Variants in DPP10 observed in about 807,000 individuals in gnomAD.
The protein encoded by DPP10 is dipeptidyl peptidase like 10, also known as inactive dipeptidyl peptidase 10.
A neutral mutation model predicts 120.9 loss-of-function variants in DPP10; 33 were observed. The ratio of observed to expected loss-of-function variants is 0.27; its 90% CI spans 0.21 to 0.37. DPP10 has a LOEUF of 0.37. DPP10 is among the 10% of genes least tolerant of loss of function. DPP10 has a pLI of 1.00. For missense variants in DPP10, 816 were observed against 942.8 expected (o/e 0.87, Z 1.76); for synonymous variants, 337 against 326.1 (o/e 1.03, Z -0.36).
intron 3 of DPP10, among the ~76,000 whole-genome samples, chr2:115,366,419 C>A (rs1485848955): frequency 6.6e-6 from 1 of 151,954 alleles, no homozygotes; most frequent in South Asian, 2.1e-4. Context: ...TATTATATAG[C>A]CTTTTTGTCC....
At chr2:114,673,612 C>T (rs928875813) in intron 1 of DPP10, among the ~76,000 whole-genome samples, 2 of 151,866 alleles carry the variant, frequency 1.3e-5, no homozygotes, top group East Asian at 1.9e-4. Context: ...CACACCACCT[C>T]ATCTGGCTAA....
chr2:115,049,744 G>T (rs1305786315), intron 1 of DPP10, among the ~76,000 whole-genome samples: 2 of 152,136 alleles, frequency 1.3e-5, no homozygotes, highest in African/African-American at 4.8e-5. Context: ...GTGCATTTCT[G>T]CACTCTTCTT....
chr2:115,643,513 A>G (rs2086961724), intron 5 of DPP10, among the ~76,000 whole-genome samples: 1 of 152,206 alleles, frequency 6.6e-6, no homozygotes, highest in Non-Finnish European at 1.5e-5. Context: ...AGCCCACGAT[A>G]TAATAGATTA....
At chr2:115,285,678 T>C (rs920382053) in intron 1 of DPP10, among the ~76,000 whole-genome samples, 6 of 152,088 alleles carry the variant, frequency 3.9e-5, no homozygotes, top group Non-Finnish European at 7.4e-5. Context: ...CTCTTTTTGC[T>C]AAGAATGGAA....
intron 1 of DPP10, chr2:114,828,624 A>T (rs1686777290): frequency 6.6e-6 from 1 of 152,342 alleles, no homozygotes; most frequent in South Asian, 2.1e-4. Flanking sequence ...ATGAATACAT[A>T]AAACAACACA....
chr2:115,388,971 C>T (rs2106529896), intron 3 of DPP10, among the ~76,000 whole-genome samples: 1 of 152,220 alleles, frequency 6.6e-6, no homozygotes, highest in Middle Eastern at 3.4e-3. Context: ...CCTGGAATCA[C>T]AGCAAAAGTA....
At chr2:114,922,416 G>A (rs577083049) in intron 1 of DPP10, among the ~76,000 whole-genome samples, 6 of 152,270 alleles carry the variant, frequency 3.9e-5, no homozygotes, top group Admixed American at 3.9e-4. Context: ...GGGTTCAAAC[G>A]ATTCTCCTGC....
At chr2:114,627,191 T>C (rs1324927882) in intron 1 of DPP10, among the ~76,000 whole-genome samples, 1 of 152,098 alleles carries the variant, frequency 6.6e-6, no homozygotes, top group Non-Finnish European at 1.5e-5. Context: ...TTGCTAGTTA[T>C]GATGCAAGGA....
chr2:114,600,236 G>C (rs375440683), intron 1 of DPP10, among the ~76,000 whole-genome samples: 3 of 151,378 alleles, frequency 2.0e-5, no homozygotes, highest in African/African-American at 4.8e-5. Context: ...TTCCCTCTCT[G>C]TACTGATTTT....
At chr2:115,657,648 A>G (rs1356504381) in intron 5 of DPP10, among the ~76,000 whole-genome samples, 9 of 149,072 alleles carry the variant, frequency 6.0e-5, no homozygotes, top group East Asian at 1.9e-4. Flanking sequence ...GTGTGTGTAG[A>G]AAAAAAAGCG....
intron 1 of DPP10, among the ~76,000 whole-genome samples, chr2:114,610,485 A>T (rs1203542611): frequency 1.3e-5 from 2 of 152,200 alleles, no homozygotes; most frequent in Non-Finnish European, 2.9e-5. Flanking sequence ...TGCAAGATTC[A>T]GAACCAGGGC....
At chr2:114,582,526 A>G (rs944307826) in intron 1 of DPP10, among the ~76,000 whole-genome samples, 1 of 152,238 alleles carries the variant, frequency 6.6e-6, no homozygotes, top group Non-Finnish European at 1.5e-5. Context: ...ACTGTCTTTC[A>G]AAGTGGCTGT....
intron 1 of DPP10, among the ~76,000 whole-genome samples, chr2:114,940,961 G>A (rs982138271): frequency 2.6e-5 from 4 of 152,000 alleles, no homozygotes; most frequent in African/African-American, 9.7e-5. Flanking sequence ...ACCATTTCTT[G>A]TATTTTACAA....
At chr2:115,839,552 T>A (rs1689871124) in intron 24 of DPP10, among the ~76,000 whole-genome samples, 1 of 150,882 alleles carries the variant, frequency 6.6e-6, no homozygotes, top group African/African-American at 2.4e-5. Flanking sequence ...TGCACGCCTA[T>A]AATCCCAGCT....
rs1248126095 is a variant in DPP10, at chr2:114,947,645, TTTG to T, written c.61-361591_61-361589del. Among the ~76,000 whole-genome samples the T allele has an allele frequency of 2.0e-5, 3 of 152,200 alleles. No individual in the cohort carries two copies. The East Asian group carries it at 5.8e-4, about 29-fold the overall frequency. Reference sequence around the variant, plus strand: ...TAATTTTTTATATTCCTCATATTTCTTTGTTTTTAACTGTAGTGATTTCTGATA... The same window carrying T: ...TAATTTTTTATATTCCTCATATTTCTTTTTTAACTGTAGTGATTTCTGATA... On this transcript the variant is annotated intron_variant, in intron 1 of 25. Transcript: ENST00000410059.
At chr2:115,270,761 A>G (rs977697170) in intron 1 of DPP10, among the ~76,000 whole-genome samples, 5 of 152,342 alleles carry the variant, frequency 3.3e-5, no homozygotes, top group South Asian at 4.1e-4. Context: ...AATTGATGAT[A>G]GCATTATTTC....
intron 5 of DPP10, among the ~76,000 whole-genome samples, chr2:115,650,579 A>G (rs907171271): frequency 3.3e-5 from 5 of 152,056 alleles, no homozygotes; most frequent in East Asian, 1.9e-4. Context: ...ATTTTGTCAT[A>G]TAATCCACCT....
chr2:115,313,586 C>A (rs944076028), intron 2 of DPP10, among the ~76,000 whole-genome samples: 7 of 152,100 alleles, frequency 4.6e-5, no homozygotes, highest in Non-Finnish European at 2.9e-5. Context: ...CTGTTTTACT[C>A]AAAATAGCAC....
At chr2:115,471,034 T>C (rs1290510941) in intron 3 of DPP10, among the ~76,000 whole-genome samples, 1 of 152,188 alleles carries the variant, frequency 6.6e-6, no homozygotes, top group Non-Finnish European at 1.5e-5. Context: ...AAATATCTTA[T>C]GAGTTTTTTT....
Sources: allele counts gnomAD v4.1 joint callset (sites outside exome capture counted in the v4.1 genomes callset), GRCh38; gene constraint gnomAD v4.1.1; transcripts MANE v1.5; gene names NCBI Gene and HGNC (gene_info 2026-07-23, HGNC 2026-07-21).